NRXN3: variants seen among roughly 807,000 people sequenced by gnomAD.
NRXN3 encodes the protein neurexin III.
Under a neutral mutation model 137.6 loss-of-function variants are expected in NRXN3, and 32 were observed. The observed-to-expected ratio is 0.23, with a 90% CI of 0.18 to 0.31. The LOEUF is 0.31. NRXN3 is among the 10% of genes least tolerant of loss of function. The pLI is 1.00. For missense variants in NRXN3, 1,574 were observed against 2,062.5 expected, an observed-to-expected ratio of 0.76 and a Z score of 4.59; for synonymous variants, 798 against 784.5, an observed-to-expected ratio of 1.02 and a Z score of -0.29.
chr14:79,034,377 C>G (rs570059421), intron 15 of NRXN3, among the ~76,000 whole-genome samples: 1 of 146,578 alleles, frequency 6.8e-6, no homozygotes, highest in East Asian at 2.1e-4. Flanking sequence ...CACACACACA[C>G]AGGTTTTTTG....
intron 15 of NRXN3, among the ~76,000 whole-genome samples, chr14:79,296,460 A>C (rs1443394227): frequency 1.3e-5 from 2 of 151,670 alleles, no homozygotes; most frequent in African/African-American, 4.8e-5. Flanking sequence ...AAAAAAAAAA[A>C]CCAGATGTTC....
At chr14:79,340,771 G>A (rs1433735158) in intron 15 of NRXN3, among the ~76,000 whole-genome samples, 1 of 152,068 alleles carries the variant, frequency 6.6e-6, no homozygotes, top group Non-Finnish European at 1.5e-5. Flanking sequence ...GCCTGACATT[G>A]TTTAATTTTT....
intron 19 of NRXN3, among the ~76,000 whole-genome samples, chr14:79,749,056 G>A (rs898217684): frequency 6.6e-6 from 1 of 152,030 alleles, no homozygotes; most frequent in African/African-American, 2.4e-5. Context: ...CTATGGATCT[G>A]CTTTAGGAGG....
intron 4 of NRXN3, among the ~76,000 whole-genome samples, chr14:78,470,187 A>G (rs1412845681): frequency 6.6e-6 from 1 of 152,194 alleles, no homozygotes; most frequent in Non-Finnish European, 1.5e-5. Flanking sequence ...CCTGTTAGGT[A>G]TGACACTGAC....
intron 4 of NRXN3, among the ~76,000 whole-genome samples, chr14:78,370,677 A>G (rs1389689423): frequency 6.6e-6 from 1 of 152,194 alleles, no homozygotes; most frequent in African/African-American, 2.4e-5. Context: ...AGCAATGCCA[A>G]TTATATTGTT....
At chr14:79,288,472 T>C (rs937650885) in intron 15 of NRXN3, among the ~76,000 whole-genome samples, 5 of 152,234 alleles carry the variant, frequency 3.3e-5, no homozygotes, top group Non-Finnish European at 7.3e-5. Context: ...CAGGTACTCT[T>C]CCAAATGCTT....
intron 10 of NRXN3, among the ~76,000 whole-genome samples, chr14:78,891,738 A>G (rs1224844543): frequency 6.6e-6 from 1 of 152,000 alleles, no homozygotes; most frequent in Non-Finnish European, 1.5e-5. Context: ...CAAATGTGAG[A>G]TGATTAAGAA....
At position 78,877,692 on chromosome 14, in the gene NRXN3, A is replaced by G. The variant is rs154305; in HGVS notation, c.2275+67348A>G. ...GTTAAGTTCTATGAATTATGTAGAAATAGTAAAAGCAAATAAAGACTCAAT... is the reference window on the plus strand; with the variant it reads ...GTTAAGTTCTATGAATTATGTAGAAGTAGTAAAAGCAAATAAAGACTCAAT... On this transcript the variant is annotated intron_variant, in intron 10 of 20. Coordinates refer to ENST00000335750, the MANE Select transcript of NRXN3 (RefSeq NM_001330195.2). 3.5e-3 allele frequency among the ~76,000 whole-genome samples: 540 copies of G among 152,352 alleles called. 3 individuals carry two copies. The highest frequency in any genetic ancestry group is 0.013 in the African/African-American group (523 of 41,588).
chr14:78,769,020 T>A (rs1567257663), intron 8 of NRXN3, among the ~76,000 whole-genome samples: 2 of 152,164 alleles, frequency 1.3e-5, no homozygotes, highest in Non-Finnish European at 2.9e-5. Context: ...GGGGGTAGGG[T>A]TTAAAGTTCC....
At chr14:79,047,532 G>C (rs8012099) in intron 15 of NRXN3, among the ~76,000 whole-genome samples, 57,372 of 151,852 alleles carry the variant, frequency 0.38, 11,320 homozygotes, top group Admixed American at 0.49. Context: ...GACATAGACT[G>C]GGAGAAAATA....
At chr14:79,495,210 T>C (rs996121952) in intron 16 of NRXN3, among the ~76,000 whole-genome samples, 2 of 152,202 alleles carry the variant, frequency 1.3e-5, no homozygotes, top group African/African-American at 4.8e-5. Flanking sequence ...TTGATTCTGC[T>C]TTGTTACCAA....
At chr14:79,413,883 CAAA>C (rs372803175) in intron 15 of NRXN3, among the ~76,000 whole-genome samples, 1 of 76,324 alleles carries the variant, frequency 1.3e-5, no homozygotes, top group African/African-American at 5.6e-5. Flanking sequence ...ATGTGGTTCT[CAAA>C]AAAAAAAAAA....
At chr14:79,055,240 C>T (rs1446082876) in intron 15 of NRXN3, among the ~76,000 whole-genome samples, 3 of 152,180 alleles carry the variant, frequency 2.0e-5, no homozygotes, top group Non-Finnish European at 4.4e-5. Flanking sequence ...ACAGGTGGAT[C>T]ATGGTAATAG....
intron 4 of NRXN3, among the ~76,000 whole-genome samples, chr14:78,440,427 A>G (rs1229354804): frequency 7.1e-6 from 1 of 141,668 alleles, no homozygotes; most frequent in African/African-American, 2.8e-5. Flanking sequence ...TTTTATAAAT[A>G]CTCCCTTCCT....
Position 78,702,351 on chromosome 14 carries a change from T to A in NRXN3, c.1222-6866T>A, listed in dbSNP as rs180692340. ...AATATATAAAGTTATGATTTTATAG[T>A]TTATTAAATCCAGAGTTTTTCTTTT... is the stretch of plus-strand genomic sequence containing the variant. On this transcript the variant is annotated intron_variant, in intron 6 of 20. Coordinates refer to ENST00000335750, the MANE Select transcript of NRXN3 (RefSeq NM_001330195.2). 8.0e-5 allele frequency among the ~76,000 whole-genome samples: 12 copies of A among 150,864 alleles called. No homozygotes were observed. The East Asian group carries it at 2.3e-3, about 29-fold the overall frequency.
intron 15 of NRXN3, among the ~76,000 whole-genome samples, chr14:79,371,455 T>A (rs2094107365): frequency 6.6e-6 from 1 of 152,162 alleles, no homozygotes. Flanking sequence ...TGATTACCAC[T>A]TATTTAAGTG....
At chr14:78,962,672 C>T (rs1009762978) in intron 11 of NRXN3, among the ~76,000 whole-genome samples, 6 of 152,058 alleles carry the variant, frequency 3.9e-5, no homozygotes, top group African/African-American at 7.2e-5. Flanking sequence ...GGAGTAAATT[C>T]GTTTAGCACA....
intron 17 of NRXN3, among the ~76,000 whole-genome samples, chr14:79,672,425 T>C (rs188880898): frequency 6.6e-6 from 1 of 152,206 alleles, no homozygotes; most frequent in East Asian, 1.9e-4. Context: ...AAATAATATC[T>C]TTCAAGATTA....
intron 10 of NRXN3, among the ~76,000 whole-genome samples, chr14:78,877,361 C>T (rs1054266838): frequency 4.6e-5 from 7 of 152,208 alleles, no homozygotes; most frequent in South Asian, 4.1e-4. Context: ...TTCAGGGCCC[C>T]GTGTAAAGCC....
Sources: allele counts gnomAD v4.1 joint callset (sites outside exome capture counted in the v4.1 genomes callset), GRCh38; gene constraint gnomAD v4.1.1; transcripts MANE v1.5; gene names NCBI Gene and HGNC (gene_info 2026-07-23, HGNC 2026-07-21).